RP1: variants seen among roughly 807,000 people sequenced by gnomAD.
The protein encoded by RP1 is oxygen-regulated protein 1.
RP1 carries 16 observed loss-of-function variants against 14.8 expected under a neutral mutation model. That is an observed-to-expected ratio of 1.08 (90% CI 0.73 to 1.65). The LOEUF (loss-of-function observed/expected upper bound fraction) is 1.65, where lower values mean the gene tolerates loss of function less well. Among genes scored for constraint, RP1 ranks in the 40% most tolerant of loss-of-function variants. RP1 has a pLI of 0.00. For synonymous variants in RP1, 876 were observed against 883.6 expected (o/e 0.99, Z 0.15); for missense variants, 2,631 against 2,535.0 (o/e 1.04, Z -0.81).
chr8:54,857,440 T>C (rs1298589455), intron 27 of RP1, among the ~76,000 whole-genome samples: 1 of 149,762 alleles, frequency 6.7e-6, no homozygotes, highest in Non-Finnish European at 1.5e-5. Flanking sequence ...TTAAATATAA[T>C]GTAAGGTTAT....
At chr8:54,857,181 C>G in intron 27 of RP1, 1 of 444,770 alleles carries the variant, frequency 2.2e-6, no homozygotes, top group East Asian at 3.9e-5. Flanking sequence ...GGTGAAAGAA[C>G]AGGAAAATGT....
At chr8:54,852,718 A>G (rs1042109651) in exon 26 of RP1, 2 of 1,232,044 alleles carry the variant, frequency 1.6e-6, no homozygotes, top group Non-Finnish European at 1.0e-6. Flanking sequence ...ATCAAGTTTC[A>G]GCGTGGACAG....
At chr8:54,711,271 T>C (rs188475750) in intron 15 of RP1, among the ~76,000 whole-genome samples, 296 of 152,326 alleles carry the variant, frequency 1.9e-3, no homozygotes, top group Admixed American at 3.2e-3. Context: ...TTCTGCCTCC[T>C]AAACTCAGAG....
Position 54,697,031 on chromosome 8 carries a change from T to C in RP1, c.1718-2436T>C, listed in dbSNP as rs183567295. On this transcript the variant is annotated intron_variant, in intron 12 of 22. Transcript: ENST00000636932. The stretch of plus-strand genomic sequence containing the variant: ...ATGGTTCTTGCACCCTTTCCACCTT[T>C]CAGTGGCCCGTCACGCTACCAAAAA... 3 of 1,484,318 alleles carry C rather than the reference T, an allele frequency of 2.0e-6. No homozygotes were observed. The Admixed American group carries it at 5.0e-5, about 25-fold the overall frequency. The allele number at this position is 1,484,318 out of a possible 1,614,324, so 91.9% of individuals were successfully genotyped here. A position where few individuals can be genotyped will look rare whatever the true frequency, so the allele number is the denominator to read the frequency against.
chr8:54,679,029 C>G (rs960761935), intron 9 of RP1, among the ~76,000 whole-genome samples: 1 of 151,828 alleles, frequency 6.6e-6, no homozygotes, highest in Admixed American at 6.6e-5. Context: ...TTTCCTGCCT[C>G]TTTTCCTATG....
At chr8:54,606,407 G>T (rs1198712500) in intron 1 of RP1, among the ~76,000 whole-genome samples, 1 of 151,526 alleles carries the variant, frequency 6.6e-6, no homozygotes, top group Non-Finnish European at 1.5e-5. Flanking sequence ...TCTGCCGAGA[G>T]ATCTGCTGTT....
intron 28 of RP1, among the ~76,000 whole-genome samples, chr8:54,868,389 G>A (rs1352186600): frequency 5.3e-5 from 8 of 152,066 alleles, no homozygotes; most frequent in Non-Finnish European, 1.2e-4. Context: ...TGTTTTCCTT[G>A]CCTTTTCTCT....
intron 24 of RP1, among the ~76,000 whole-genome samples, chr8:54,790,129 C>T (rs1563377271): frequency 6.6e-6 from 1 of 152,200 alleles, no homozygotes; most frequent in African/African-American, 2.4e-5. Flanking sequence ...GCCAGTGGCT[C>T]CATCTTGCCA....
chr8:54,635,888 C>T (rs1806337828), intron 3 of RP1, among the ~76,000 whole-genome samples: 1 of 152,104 alleles, frequency 6.6e-6, no homozygotes, highest in Admixed American at 6.5e-5. Context: ...GTCCACAGAG[C>T]TTAATAAAGG....
chr8:54,852,822 T>A (rs1294496025), intron 26 of RP1: 2 of 910,920 alleles, frequency 2.2e-6, no homozygotes, highest in Non-Finnish European at 2.9e-6. Flanking sequence ...TCTGAGATGC[T>A]CAGTTGATTC....
At chr8:54,839,578 T>C (rs1358110669) in intron 25 of RP1, among the ~76,000 whole-genome samples, 1 of 152,162 alleles carries the variant, frequency 6.6e-6, no homozygotes, top group Non-Finnish European at 1.5e-5. Context: ...AAATCTTTGC[T>C]CAGCATTTCA....
intron 5 of RP1, chr8:54,652,917 C>A: frequency 7.8e-7 from 1 of 1,288,676 alleles, no homozygotes; most frequent in Non-Finnish European, 1.1e-6. Context: ...TCTGCATATT[C>A]CTCTCAGGAG....
intron 12 of RP1, among the ~76,000 whole-genome samples, chr8:54,680,512 C>T (rs1324575262): frequency 6.6e-6 from 1 of 152,154 alleles, no homozygotes; most frequent in East Asian, 1.9e-4. Flanking sequence ...CCTGCAACAC[C>T]TATGAATTTA....
intron 19 of RP1, among the ~76,000 whole-genome samples, chr8:54,751,975 C>T (rs1418967842): frequency 6.6e-6 from 1 of 152,010 alleles, no homozygotes; most frequent in Non-Finnish European, 1.5e-5. Flanking sequence ...GAAGGGATGG[C>T]GGGGCCTCAG....
At chr8:54,609,414 T>A (rs1348838834) in intron 1 of RP1, among the ~76,000 whole-genome samples, 1 of 152,078 alleles carries the variant, frequency 6.6e-6, no homozygotes, top group East Asian at 1.9e-4. Flanking sequence ...TGATTGTGTC[T>A]CTGTACTCCA....
At chr8:54,800,740 C>T (rs1008134281) in intron 24 of RP1, among the ~76,000 whole-genome samples, 3 of 152,142 alleles carry the variant, frequency 2.0e-5, no homozygotes, top group Non-Finnish European at 4.4e-5. Flanking sequence ...AAAGTACTCA[C>T]CTGTTTTTTT....
At chr8:54,798,089 C>T (rs11778424) in intron 24 of RP1, among the ~76,000 whole-genome samples, 40,462 of 151,920 alleles carry the variant, frequency 0.27, 6,350 homozygotes, top group Middle Eastern at 0.48. Flanking sequence ...TCTTGGCTCA[C>T]TGCAACCTCC....
At chr8:54,725,742 T>C (rs377000978) in intron 16 of RP1, among the ~76,000 whole-genome samples, 1 of 152,180 alleles carries the variant, frequency 6.6e-6, no homozygotes, top group South Asian at 2.1e-4. Flanking sequence ...TGCCTGATCC[T>C]AGAAAATGAA....
chr8:54,701,821 A>T (rs1808027968), intron 14 of RP1, among the ~76,000 whole-genome samples: 1 of 152,194 alleles, frequency 6.6e-6, no homozygotes, highest in Admixed American at 6.5e-5. Context: ...AGACTTTGAA[A>T]GGCAATAGAG....
Sources: allele counts gnomAD v4.1 joint callset (sites outside exome capture counted in the v4.1 genomes callset), GRCh38; gene constraint gnomAD v4.1.1; transcripts MANE v1.5; gene names NCBI Gene and HGNC (gene_info 2026-07-23, HGNC 2026-07-21).